Variants in ADGRA1 observed in about 807,000 individuals in gnomAD.
ADGRA1 encodes G-protein coupled receptor 123.
Under a neutral mutation model 21.3 loss-of-function variants are expected in ADGRA1, and 12 were observed. The ratio of observed to expected loss-of-function variants is 0.56; its 90% CI spans 0.36 to 0.91. The LOEUF (loss-of-function observed/expected upper bound fraction) is 0.91. Ranked by LOEUF, ADGRA1 falls within the 40% of genes least tolerant of loss-of-function variation. ADGRA1 has a pLI of 0.01. For missense variants in ADGRA1, 790 were observed against 805.6 expected (o/e 0.98, Z 0.23); for synonymous variants, 385 against 368.8 (o/e 1.04, Z -0.50).
intron 3 of ADGRA1, 50 bp from the exon 4 acceptor site, chr10:133,098,590 C>T: frequency 6.4e-7 from 1 of 1,571,868 alleles, no homozygotes; most frequent in Middle Eastern, 2.2e-4. Flanking sequence ...TTCCACGCCT[C>T]CCCCTGCAGA....
intron 5 of ADGRA1, among the ~76,000 whole-genome samples, chr10:133,104,993 G>A (rs950514899): frequency 1.1e-4 from 16 of 152,130 alleles, no homozygotes; most frequent in African/African-American, 3.4e-4. Flanking sequence ...CAGAGCCTCC[G>A]CTCACCTCCC....
Position 133,100,447 on chromosome 10 carries a change from CA to C in ADGRA1, c.255+1687del, listed in dbSNP as rs573660467. Among the ~76,000 whole-genome samples the C allele has an allele frequency of 5.2e-4, 79 of 152,370 alleles. No homozygotes were observed. In the South Asian group the frequency reaches 8.7e-3, roughly 17 times the overall value. On this transcript the variant is annotated intron_variant, in intron 4 of 6. Coordinates refer to ENST00000392607, the MANE Select transcript of ADGRA1 (RefSeq NM_001083909.3). ...GGTGAGGCCCCCCGAGGGCCTTCAG[CA>C]AACCCCGCCCGCGCCTTCGGGAACA...
At chr10:133,101,940 G>A (rs896148260) in intron 4 of ADGRA1, among the ~76,000 whole-genome samples, 15 of 152,234 alleles carry the variant, frequency 9.9e-5, no homozygotes, top group African/African-American at 3.6e-4. Flanking sequence ...TTGAGCTCTG[G>A]ATCTGATAAA....
chr10:133,130,435 T>C lies in ADGRA1; in HGVS notation c.*924T>C, dbSNP rs1852493240. 6.6e-6 allele frequency: 1 copy of C among 152,250 alleles called. No individual in the cohort carries two copies. The highest frequency in any genetic ancestry group is 2.4e-5 in the African/African-American group (1 of 41,458). 9.4% of individuals were successfully genotyped at this position (152,250 alleles called of 1,614,324 possible). A position where few individuals can be genotyped will look rare whatever the true frequency, so the allele number is the denominator to read the frequency against. On this transcript the variant is annotated 3_prime_UTR_variant, in exon 7 of 7. Transcript: ENST00000392607. ...AAAGGGGCTGACAGACGGGAGATTCTCATGGACAAAATCCCTTTCCCTTTT... is the reference window on the plus strand; with the variant it reads ...AAAGGGGCTGACAGACGGGAGATTCCCATGGACAAAATCCCTTTCCCTTTT...
Position 133,129,098 on chromosome 10 carries a change from C to G in ADGRA1, c.1270C>G (p.Pro424Ala). The G allele has an allele frequency of 1.3e-6, 2 of 1,550,852 alleles. No homozygotes were observed. Among genetic ancestry groups the G allele is most frequent in the Non-Finnish European group, 1.7e-6 (2 of 1,145,718 alleles). Reference protein sequence around the residue: ...HGCLQGRTKPPYFSRHPAEEP... With the variant: ...HGCLQGRTKPAYFSRHPAEEP... Reference sequence around the variant, plus strand: ...GTGCCTTCAGGGCAGAACTAAGCCGCCCTACTTTAGCCGGCACCCAGCAGA... The same window carrying G: ...GTGCCTTCAGGGCAGAACTAAGCCGGCCTACTTTAGCCGGCACCCAGCAGA... Residue 424 changes from proline (P) to alanine (A), a missense_variant, in exon 7 of 7, where the codon CCC (proline) becomes GCC (alanine). By Grantham distance (27) the Pro-to-Ala change is conservative. Transcript: ENST00000392607.
intron 5 of ADGRA1, among the ~76,000 whole-genome samples, chr10:133,105,918 G>C (rs899798334): frequency 2.6e-5 from 4 of 152,182 alleles, no homozygotes; most frequent in African/African-American, 7.2e-5. Context: ...TGTGGCCCTT[G>C]TTACTAGGAC....
At chr10:133,102,964 G>A in intron 5 of ADGRA1, 122 bp downstream of exon 5, 1 of 1,099,722 alleles carries the variant, frequency 9.1e-7, no homozygotes, top group Non-Finnish European at 1.3e-6. Flanking sequence ...CCGGTCCATG[G>A]GGGAGGGTCA....
intron 5 of ADGRA1, among the ~76,000 whole-genome samples, chr10:133,108,616 A>C (rs1851932963): frequency 6.6e-6 from 1 of 152,088 alleles, no homozygotes; most frequent in Non-Finnish European, 1.5e-5. Flanking sequence ...GTCACCTCCC[A>C]ATACTCTCAA....
chr10:133,088,860 C>T lies in ADGRA1; in HGVS notation c.-50C>T. 1 of 1,237,658 alleles carries T rather than the reference C, an allele frequency of 8.1e-7. No homozygotes were observed. The highest frequency in any genetic ancestry group is 4.2e-5 in the Admixed American group (1 of 23,748). 76.7% of individuals were successfully genotyped at this position (1,237,658 alleles called of 1,614,324 possible). Reference sequence around the variant, plus strand: ...CAGGGCGCCACCTGATCGCCTCCCCCTGGACGCCTCCTCCAGCGGCGCTCA... The same window carrying T: ...CAGGGCGCCACCTGATCGCCTCCCCTTGGACGCCTCCTCCAGCGGCGCTCA... On this transcript the variant is annotated 5_prime_UTR_variant, in exon 2 of 7. Transcript: ENST00000392607.
intron 5 of ADGRA1, among the ~76,000 whole-genome samples, chr10:133,121,119 A>G (rs562271759): frequency 9.8e-5 from 15 of 152,342 alleles, no homozygotes; most frequent in Non-Finnish European, 1.8e-4. Flanking sequence ...GCCCAAGACA[A>G]CTACCATGGA....
intron 5 of ADGRA1, among the ~76,000 whole-genome samples, chr10:133,126,228 C>T (rs902425737): frequency 2.6e-5 from 4 of 152,226 alleles, no homozygotes; most frequent in African/African-American, 4.8e-5. Context: ...AAGTACAGGT[C>T]GATACACGGA....
chr10:133,089,147 G>A, intron 2 of ADGRA1: 2 of 651,592 alleles, frequency 3.1e-6, no homozygotes, highest in Admixed American at 8.7e-5. Context: ...ATGAGTTGCA[G>A]GCATATGGCA....
rs1192929865 is a variant in ADGRA1 at position 133,102,730 on chromosome 10, A to G, written c.289A>G (p.Thr97Ala). The change falls in exon 5 of 7, where the codon ACC becomes GCC. Residue 97 changes from threonine (T) to alanine (A), a missense_variant. Coordinates refer to ENST00000392607, the MANE Select transcript of ADGRA1 (RefSeq NM_001083909.3). ...CGTGCTGCACTATTCTACACTGTCC[A>G]CCATGCTGTGGATAGGAGTGACCGC... ...GIVLHYSTLS[T>A]MLWIGVTARN... The G allele has an allele frequency of 1.2e-6, 2 of 1,612,306 alleles. No homozygotes were observed. Among genetic ancestry groups the G allele is most frequent in the Non-Finnish European group, 1.7e-6 (2 of 1,179,598 alleles).
chr10:133,109,406 C>G (rs1475459246), intron 5 of ADGRA1, among the ~76,000 whole-genome samples: 1 of 152,160 alleles, frequency 6.6e-6, no homozygotes, highest in Non-Finnish European at 1.5e-5. Flanking sequence ...TTCTCCCCAG[C>G]TGGAAGCCTG....
chr10:133,106,543 C>T (rs1388803440), intron 5 of ADGRA1, among the ~76,000 whole-genome samples: 3 of 149,782 alleles, frequency 2.0e-5, no homozygotes, highest in African/African-American at 7.3e-5. Flanking sequence ...GTCCCCAGCA[C>T]AGCAGCACTG....
chr10:133,101,796 G>C (rs964077000), intron 4 of ADGRA1, among the ~76,000 whole-genome samples: 1 of 152,158 alleles, frequency 6.6e-6, no homozygotes, highest in Non-Finnish European at 1.5e-5. Flanking sequence ...GGAGCCCCCC[G>C]GGGGCTGCTG....
At chr10:133,100,883 G>C (rs1285215923) in intron 4 of ADGRA1, among the ~76,000 whole-genome samples, 1 of 152,220 alleles carries the variant, frequency 6.6e-6, no homozygotes, top group Admixed American at 6.5e-5. Context: ...GGAGGTGCCT[G>C]CCGGACGCGT....
chr10:133,111,389 A>AG (rs1852002670), intron 5 of ADGRA1, among the ~76,000 whole-genome samples: 1 of 2,952 alleles, frequency 3.4e-4, no homozygotes, highest in Non-Finnish European at 6.4e-4. Context: ...CCCACCACGG[A>AG]CACCTCCCTC....
rs1263961029 is a variant in ADGRA1 at position 133,113,325 on chromosome 10, G to C, written c.401+10483G>C. 2.6e-5 allele frequency among the ~76,000 whole-genome samples: 4 copies of C among 152,254 alleles called. No individual in the cohort carries two copies. In the East Asian group the frequency reaches 7.7e-4, roughly 29 times the overall value. The stretch of plus-strand genomic sequence containing the variant: ...TGGCACCGCGGCACTTAGATTCCGT[G>C]TCACGGCCCGGCTTGCCGAGGATGC... On this transcript the variant is annotated intron_variant, in intron 5 of 6. Transcript: ENST00000392607.
Sources: gnomAD v4.1 joint callset for allele counts (sites outside exome capture counted in the v4.1 genomes callset) on GRCh38, gnomAD v4.1.1 for gene constraint, MANE v1.5 for transcripts, NCBI Gene and HGNC (gene_info 2026-07-23, HGNC 2026-07-21) for gene names.